The following MOV10L1 variants were observed in gnomAD, a reference collection of about 807,000 sequenced individuals.
The protein encoded by MOV10L1 is Mov10 like RNA helicase 1.
Under a neutral mutation model 143.8 loss-of-function variants are expected in MOV10L1, and 110 were observed. The ratio of observed to expected loss-of-function variants is 0.76; its 90% CI spans 0.66 to 0.90. The LOEUF is 0.90. Among genes scored for constraint, MOV10L1 ranks in the 40% least tolerant of loss-of-function variants. The pLI, the probability that MOV10L1 is intolerant of heterozygous loss-of-function variation, is 0.00. For synonymous variants in MOV10L1, 593 were observed against 581.1 expected (o/e 1.02, Z -0.29); for missense variants, 1,406 against 1,526.8 (o/e 0.92, Z 1.32).
chr22:50,090,454 G>A, intron 1 of MOV10L1: 1 of 1,605,936 alleles, frequency 6.2e-7, no homozygotes, highest in African/African-American at 1.3e-5. Context: ...TTTACGCCGA[G>A]CAGCTGCCAA....
chr22:50,094,885 T>A (rs1172184327), intron 2 of MOV10L1: 1 of 152,136 alleles, frequency 6.6e-6, no homozygotes, highest in Admixed American at 6.6e-5. Flanking sequence ...TCATTCAATA[T>A]GGTAGCCACC....
chr22:50,138,671 A>G (rs930152336), intron 15 of MOV10L1, among the ~76,000 whole-genome samples: 2 of 152,190 alleles, frequency 1.3e-5, no homozygotes, highest in Non-Finnish European at 2.9e-5. Context: ...AGTTGTATAT[A>G]TATTTCCAGT....
rs1046787885 is a variant in MOV10L1, at chr22:50,100,729, A to T, written c.442+1127A>T. Among the ~76,000 whole-genome samples the T allele has an allele frequency of 1.5e-4, 23 of 148,482 alleles. 1 individual carries two copies. Among genetic ancestry groups the T allele is most frequent in the Admixed American group, 1.2e-3 (18 of 14,926 alleles). ...ACCATGTTGGCCAGTCTGGTCTTGA[A>T]CTCCTGACCTTGTGATCTGCCCGCC... On this transcript the variant is annotated intron_variant, in intron 3 of 26. Coordinates refer to ENST00000262794, the MANE Select transcript of MOV10L1 (RefSeq NM_018995.3).
intron 12 of MOV10L1, among the ~76,000 whole-genome samples, chr22:50,127,921 C>G (rs549517463): frequency 6.6e-6 from 1 of 152,064 alleles, no homozygotes; most frequent in African/African-American, 2.4e-5. Flanking sequence ...TACAGGTGCC[C>G]AGCACCACGC....
In MOV10L1 at chr22:50,154,304, C is replaced by T. The variant is rs371491433; in HGVS notation, c.3066+1086C>T. On this transcript the variant is annotated intron_variant, in intron 22 of 26. Transcript: ENST00000262794. ...CCAGGCACAGGGGCTCACCTGTAAC[C>T]CCAGCACTTTGGGAGGCTGAGGCAG... Among the ~76,000 whole-genome samples, 9 of 152,250 alleles carry T rather than the reference C, an allele frequency of 5.9e-5. No homozygotes were observed. In the East Asian group the frequency reaches 1.7e-3, roughly 29 times the overall value.
At position 50,161,577 on chromosome 22, in the gene MOV10L1, T is replaced by A. The variant is rs910960498; in HGVS notation, c.*128T>A. ...GCAGGGTCGTGTGTGGGTGTGGGGC[T>A]GCCAGGTTGGACGCAGCTGCTGCTG... On this transcript the variant is annotated 3_prime_UTR_variant, in exon 27 of 27. Coordinates refer to ENST00000262794, the MANE Select transcript of MOV10L1 (RefSeq NM_018995.3). 4.2e-6 allele frequency: 4 copies of A among 944,158 alleles called. No homozygotes were observed. In the African/African-American group the frequency reaches 6.7e-5, roughly 16 times the overall value. 58.5% of individuals were successfully genotyped at this position (944,158 alleles called of 1,614,324 possible).
intron 15 of MOV10L1, among the ~76,000 whole-genome samples, chr22:50,136,696 G>A (rs940736677): frequency 1.3e-5 from 2 of 152,188 alleles, no homozygotes; most frequent in Non-Finnish European, 2.9e-5. Context: ...AAAGCTGACA[G>A]AGTAGAGTGC....
At position 50,159,627 on chromosome 22, in the gene MOV10L1, A is replaced by G; in HGVS notation, c.3217-51A>G. ...AAAAAAAAAAAAGGAAAAGAAAAGA[A>G]ATGGATTTGTACAGTGTTATCTTTA... On this transcript the variant is annotated intron_variant, in intron 23 of 26. Transcript: ENST00000262794. The surrounding 1 kb of genome is among the most constrained non-coding windows in gnomAD (Gnocchi z 4.1). The G allele has an allele frequency of 2.4e-6, 3 of 1,248,638 alleles. No homozygotes were observed. The highest frequency in any genetic ancestry group is 2.7e-5 in the South Asian group (2 of 74,366). 77.3% of individuals were successfully genotyped at this position (1,248,638 alleles called of 1,614,324 possible).
intron 15 of MOV10L1, among the ~76,000 whole-genome samples, chr22:50,137,337 T>C (rs1384426885): frequency 6.6e-6 from 1 of 152,192 alleles, no homozygotes; most frequent in Non-Finnish European, 1.5e-5. Flanking sequence ...CAATTTTATC[T>C]TCTAGGAATG....
intron 20 of MOV10L1, among the ~76,000 whole-genome samples, chr22:50,150,437 T>C (rs1326192667): frequency 6.6e-6 from 1 of 152,184 alleles, no homozygotes; most frequent in East Asian, 1.9e-4. Context: ...TTCCAGAAGA[T>C]AGACGGCATC....
Position 50,117,482 on chromosome 22 carries a change from G to A in MOV10L1, c.1454+131G>A. On this transcript the variant is annotated intron_variant, in intron 9 of 26. Coordinates refer to ENST00000262794, the MANE Select transcript of MOV10L1 (RefSeq NM_018995.3). ...TAAAGGGGATGAAGCTGGGGTTCAA[G>A]CCTCTTTCCATGATTGTATTTGGGG... The A allele has an allele frequency of 6.6e-6, 6 of 915,750 alleles. No homozygotes were observed. In the South Asian group the frequency reaches 1.1e-4, roughly 16 times the overall value. 56.7% of individuals were successfully genotyped at this position (915,750 alleles called of 1,614,324 possible).
intron 10 of MOV10L1, 100 bp from the exon 11 acceptor site, chr22:50,125,292 T>G: frequency 8.1e-7 from 1 of 1,234,646 alleles, no homozygotes; most frequent in Non-Finnish European, 1.2e-6. Context: ...GGGGGCCATC[T>G]GCTGAACTGG....
chr22:50,100,444 T>C (rs2061715741), intron 3 of MOV10L1, among the ~76,000 whole-genome samples: 1 of 152,240 alleles, frequency 6.6e-6, no homozygotes, highest in Non-Finnish European at 1.5e-5. Context: ...TAAAGTACTT[T>C]AGATGTTTTA....
chr22:50,128,993 C>A (rs2062595442), intron 13 of MOV10L1, among the ~76,000 whole-genome samples: 1 of 152,036 alleles, frequency 6.6e-6, no homozygotes, highest in Admixed American at 6.6e-5. Context: ...TTTAATTGGA[C>A]AGTGTTCTCT....
chr22:50,102,499 C>A (rs1283617025), intron 3 of MOV10L1, among the ~76,000 whole-genome samples: 1 of 152,188 alleles, frequency 6.6e-6, no homozygotes, highest in African/African-American at 2.4e-5. Flanking sequence ...GATGCTGTTT[C>A]CTTCTTGACG....
In MOV10L1 at chr22:50,125,388, C is replaced by A. The variant is rs1189474381; in HGVS notation, c.1570-4C>A. On this transcript the variant is annotated splice_region_variant and splice_polypyrimidine_tract_variant and intron_variant, in intron 10 of 26. Coordinates refer to ENST00000262794, the MANE Select transcript of MOV10L1 (RefSeq NM_018995.3). Reference sequence around the variant, plus strand: ...TGACTTTATAACATTTGGGTGTTTTCCAGCTTCTGAACATGTCAAATTACA... The same window carrying A: ...TGACTTTATAACATTTGGGTGTTTTACAGCTTCTGAACATGTCAAATTACA... The A allele has an allele frequency of 1.9e-6, 3 of 1,613,642 alleles. No individual in the cohort carries two copies. The East Asian group carries it at 6.7e-5, about 36-fold the overall frequency.
Position 50,104,114 on chromosome 22 carries a change from C to G in MOV10L1, c.443-4022C>G, listed in dbSNP as rs1035691541. On this transcript the variant is annotated intron_variant, in intron 3 of 26. Coordinates refer to ENST00000262794, the MANE Select transcript of MOV10L1 (RefSeq NM_018995.3). ...GCACGCAACCTAGATCCCTCGCATG[C>G]ACGGTTCACAATAGGGTTCCAGCTC... Among the ~76,000 whole-genome samples the G allele has an allele frequency of 1.8e-4, 28 of 152,234 alleles. 1 individual carries two copies. The highest frequency in any genetic ancestry group is 6.0e-4 in the African/African-American group (25 of 41,542).
In MOV10L1 at chr22:50,160,710, T is replaced by A; in HGVS notation, c.3347T>A (p.Phe1116Tyr). ...ISTVRSNEDRFEDDRYFLGFL... is the reference protein window; with the variant it reads ...ISTVRSNEDRYEDDRYFLGFL... ...TAGGTACGGTCAAATGAAGATAGAT[T>A]TGAAGATGATCGATATTTTTTGGGT... Residue 1116 changes from phenylalanine (F) to tyrosine (Y), a missense_variant, in exon 25 of 27, where the codon TTT becomes TAT. Physicochemically the swap from Phe to Tyr is conservative, Grantham distance 22. Around this residue, in one of 3 missense-constraint regions of MOV10L1, gnomAD observed 1,233 missense variants for 1,351.4 expected, o/e 0.91. Transcript: ENST00000262794. 1 of 1,614,176 alleles carries A rather than the reference T, an allele frequency of 6.2e-7. No homozygotes were observed. Among genetic ancestry groups the A allele is most frequent in the Non-Finnish European group, 8.5e-7 (1 of 1,180,022 alleles).
chr22:50,090,502 C>T, intron 1 of MOV10L1: 1 of 1,609,370 alleles, frequency 6.2e-7, no homozygotes, highest in South Asian at 1.1e-5. Flanking sequence ...TCCGCAGCGT[C>T]ATTGGCGGTG....
Sources: allele counts gnomAD v4.1 joint callset (sites outside exome capture counted in the v4.1 genomes callset), GRCh38; gene constraint gnomAD v4.1.1; regional missense constraint gnomAD v4.1.1; non-coding constraint Gnocchi (gnomAD v3.1); transcripts MANE v1.5; gene names NCBI Gene and HGNC (gene_info 2026-07-23, HGNC 2026-07-21).